The following MTMR8 variants were observed in gnomAD, a reference collection of about 807,000 sequenced individuals.
MTMR8 encodes myotubularin related protein 8.
In MTMR8, 65 loss-of-function variants were observed where a neutral mutation model predicts 39.3. The ratio of observed to expected loss-of-function variants is 1.65; its 90% CI spans 1.35 to 2.03. MTMR8 has a LOEUF of 2.03. Ranked by LOEUF, MTMR8 falls within the 30% of genes most tolerant of loss-of-function variation. The probability of loss-of-function intolerance (pLI) is 0.00; values close to 1 mark genes in which losing one functional copy is unlikely to be tolerated. For synonymous variants in MTMR8, 245 were observed against 185.2 expected (o/e 1.32, Z -2.62); for missense variants, 777 against 538.9 (o/e 1.44, Z -4.37).
chrX:64,344,656 A>T (rs1047075617), intron 7 of MTMR8, among the ~76,000 whole-genome samples: 1 of 111,596 alleles, frequency 9.0e-6, no homozygotes, highest in Admixed American at 9.5e-5. Flanking sequence ...ATGAAATCAG[A>T]CTGAATCCTT....
chrX:64,277,359 G>A (rs1931899451), intron 12 of MTMR8, among the ~76,000 whole-genome samples: 1 of 112,097 alleles, frequency 8.9e-6, no homozygotes. Context: ...TTACAATTTG[G>A]TATGTTTCTG....
chrX:64,324,814 C>CAAAAAA (rs758476355), intron 12 of MTMR8, among the ~76,000 whole-genome samples: 16 of 28,680 alleles, frequency 5.6e-4, no homozygotes, highest in African/African-American at 4.3e-3. Flanking sequence ...TGTTGCTCAC[C>CAAAAAA]AAAAAAAAAA....
chrX:64,296,915 AT>A (rs1283412078), intron 12 of MTMR8, among the ~76,000 whole-genome samples: 2 of 103,000 alleles, frequency 1.9e-5, no homozygotes, highest in African/African-American at 7.1e-5. Flanking sequence ...TGAACTCATC[AT>A]TTTTTATGGC....
intron 11 of MTMR8, 50 bp from the exon 12 acceptor site, chrX:64,328,950 AT>A: frequency 8.8e-7 from 1 of 1,135,463 alleles, no homozygotes; most frequent in South Asian, 2.1e-5. Flanking sequence ...GAAGCAAGTA[AT>A]CTCAATAGTC....
rs1040509270 is a variant in MTMR8, at chrX:64,332,887, T to C, written c.1152-1130A>G. ...ATATCCCACTCTGAACACCATATAT[T>C]ATATTTCCAAAGGCTGCTCATCTTC... On this transcript the variant is annotated intron_variant, in intron 10 of 13. Coordinates refer to ENST00000374852, the MANE Select transcript of MTMR8 (RefSeq NM_017677.4). 5.4e-5 allele frequency among the ~76,000 whole-genome samples: 6 copies of C among 111,623 alleles called. No homozygotes were observed. The Admixed American group carries it at 5.7e-4, about 11-fold the overall frequency.
intron 1 of MTMR8, among the ~76,000 whole-genome samples, chrX:64,367,699 C>T (rs1348189175): frequency 8.9e-6 from 1 of 111,957 alleles, no homozygotes; most frequent in Non-Finnish European, 1.9e-5. Flanking sequence ...AAAACTGGCA[C>T]AACACAGGGA....
At chrX:64,282,445 C>G (rs925769630) in intron 12 of MTMR8, among the ~76,000 whole-genome samples, 2 of 110,396 alleles carry the variant, frequency 1.8e-5, no homozygotes, top group Admixed American at 9.7e-5. Flanking sequence ...CCATGGCACA[C>G]GTTTACCTAT....
chrX:64,329,504 T>C (rs1922887661), intron 11 of MTMR8, among the ~76,000 whole-genome samples: 1 of 111,624 alleles, frequency 9.0e-6, no homozygotes, highest in Admixed American at 9.6e-5. Flanking sequence ...GGCATTTATA[T>C]TACAAAATTG....
At chrX:64,318,235 G>A (rs371303920) in intron 12 of MTMR8, among the ~76,000 whole-genome samples, 1 of 112,189 alleles carries the variant, frequency 8.9e-6, no homozygotes, top group Non-Finnish European at 1.9e-5. Context: ...CCCTGGCAGG[G>A]GGCCATTTGG....
At chrX:64,371,745 A>G (rs1924135359) in intron 1 of MTMR8, among the ~76,000 whole-genome samples, 1 of 111,225 alleles carries the variant, frequency 9.0e-6, no homozygotes, top group Non-Finnish European at 1.9e-5. Context: ...TCTGCCAATA[A>G]TAGGAGAAAA....
chrX:64,308,599 C>T (rs1922201888), intron 12 of MTMR8, among the ~76,000 whole-genome samples: 1 of 110,450 alleles, frequency 9.1e-6, no homozygotes, highest in Non-Finnish European at 1.9e-5. Context: ...TTTTTATTTT[C>T]CAATTTTATA....
At chrX:64,350,273 T>A (rs997528194) in intron 4 of MTMR8, among the ~76,000 whole-genome samples, 1 of 109,846 alleles carries the variant, frequency 9.1e-6, no homozygotes, top group Non-Finnish European at 1.9e-5. Context: ...CAGATATGAA[T>A]ACTAGGAACC....
intron 6 of MTMR8, among the ~76,000 whole-genome samples, chrX:64,347,780 T>A (rs1251709663): frequency 8.9e-6 from 1 of 112,647 alleles, no homozygotes; most frequent in Non-Finnish European, 1.9e-5. Flanking sequence ...ATCCTTTACT[T>A]CTTTTGTGGG....
intron 12 of MTMR8, among the ~76,000 whole-genome samples, chrX:64,302,948 GCC>G (rs1921952031): frequency 8.9e-6 from 1 of 112,257 alleles, no homozygotes; most frequent in African/African-American, 3.2e-5. Context: ...TATGGGTTGT[GCC>G]CTCAGGCCTA....
intron 6 of MTMR8, 150 bp downstream of exon 6, chrX:64,348,510 A>G (rs1339801847): frequency 1.1e-5 from 8 of 727,846 alleles, no homozygotes; most frequent in Non-Finnish European, 1.4e-5. Context: ...GGAGCCCCAA[A>G]TGGCTTCCTG....
intron 1 of MTMR8, among the ~76,000 whole-genome samples, chrX:64,363,675 C>T (rs1444519338): frequency 9.8e-5 from 11 of 111,830 alleles, no homozygotes; most frequent in Admixed American, 3.8e-4. Flanking sequence ...GCGTGACCGA[C>T]GCAAAAGATA....
At chrX:64,386,231 G>A (rs767793992) in intron 1 of MTMR8, among the ~76,000 whole-genome samples, 2 of 111,946 alleles carry the variant, frequency 1.8e-5, no homozygotes, top group Admixed American at 9.5e-5. Flanking sequence ...TTTGTAGAAT[G>A]GAGGTTCCCC....
At chrX:64,395,259 C>A (rs1175589332) in intron 1 of MTMR8, 81 bp downstream of exon 1, 1 of 1,043,603 alleles carries the variant, frequency 9.6e-7, no homozygotes, top group Non-Finnish European at 1.3e-6. Flanking sequence ...GCTGAGAAGG[C>A]TGAGGAGGTG....
intron 1 of MTMR8, among the ~76,000 whole-genome samples, chrX:64,386,940 C>A (rs1217542605): frequency 9.1e-6 from 1 of 110,301 alleles, no homozygotes; most frequent in Non-Finnish European, 1.9e-5. Context: ...GTGGTCCCAG[C>A]CACTCAGAAG....
Sources: gnomAD v4.1 joint callset for allele counts (sites outside exome capture counted in the v4.1 genomes callset) on GRCh38, gnomAD v4.1.1 for gene constraint, MANE v1.5 for transcripts, NCBI Gene and HGNC (gene_info 2026-07-23, HGNC 2026-07-21) for gene names.